NALF1: variants seen among roughly 807,000 people sequenced by gnomAD.
NALF1 encodes the protein family with sequence similarity 155 member A.
Under a neutral mutation model 48.4 loss-of-function variants are expected in NALF1, and 3 were observed. The ratio of observed to expected loss-of-function variants is 0.06; its 90% CI spans 0.03 to 0.16. NALF1 has a LOEUF of 0.16. NALF1 is among the 10% of genes least tolerant of loss of function. The pLI, the probability that NALF1 is intolerant of heterozygous loss-of-function variation, is 1.00. For missense variants in NALF1, 526 were observed against 571.5 expected, an observed-to-expected ratio of 0.92 and a Z score of 0.81; for synonymous variants, 262 against 245.7, an observed-to-expected ratio of 1.07 and a Z score of -0.62.
Position 107,752,000 on chromosome 13 carries a change from A to G in NALF1, c.915+113682T>C, listed in dbSNP as rs1033969292. Among the ~76,000 whole-genome samples, 11 of 152,192 alleles carry G rather than the reference A, an allele frequency of 7.2e-5. No individual in the cohort carries two copies. In the East Asian group the frequency reaches 2.1e-3, roughly 29 times the overall value. On this transcript the variant is annotated intron_variant, in intron 1 of 2. Coordinates refer to ENST00000375915, the MANE Select transcript of NALF1 (RefSeq NM_001080396.3). ...TTTAGTATTCTATCAAATTTCAAAC[A>G]TATTAATATTTATATTAATGTTTTA...
intron 1 of NALF1, among the ~76,000 whole-genome samples, chr13:107,782,018 ATCT>A (rs952939280): frequency 3.3e-5 from 5 of 152,050 alleles, no homozygotes; most frequent in Non-Finnish European, 7.4e-5. Flanking sequence ...TTATAAGAAA[ATCT>A]TCTCTCCCTC....
intron 1 of NALF1, among the ~76,000 whole-genome samples, chr13:107,820,152 T>A (rs76014049): frequency 6.6e-6 from 1 of 152,286 alleles, no homozygotes; most frequent in Non-Finnish European, 1.5e-5. Context: ...TCCTTGGCGG[T>A]TGACTGTTTA....
chr13:107,353,863 C>A (rs1882916962), intron 1 of NALF1, among the ~76,000 whole-genome samples: 1 of 152,128 alleles, frequency 6.6e-6, no homozygotes, highest in Non-Finnish European at 1.5e-5. Flanking sequence ...TTAGTAAATG[C>A]ATAGATATTT....
chr13:107,390,002 A>G (rs920102582), intron 1 of NALF1, among the ~76,000 whole-genome samples: 6 of 152,114 alleles, frequency 3.9e-5, no homozygotes, highest in African/African-American at 1.4e-4. Context: ...CTCTTTCTCA[A>G]TATAGCTATA....
chr13:107,182,226 C>CTGTGTGTGTG (rs148923366), intron 2 of NALF1, among the ~76,000 whole-genome samples: 1,606 of 145,186 alleles, frequency 0.011, 37 homozygotes, highest in African/African-American at 0.04. Context: ...TTTATTTATG[C>CTGTGTGTGTG]TGTGTGTGTG....
chr13:107,604,099 C>T (rs1305481277), intron 1 of NALF1, among the ~76,000 whole-genome samples: 2 of 152,082 alleles, frequency 1.3e-5, no homozygotes, highest in Non-Finnish European at 2.9e-5. Flanking sequence ...TCAAAAAAAG[C>T]ATTCGAGCAC....
chr13:107,613,968 C>G (rs1879308527), intron 1 of NALF1, among the ~76,000 whole-genome samples: 2 of 152,250 alleles, frequency 1.3e-5, no homozygotes, highest in African/African-American at 4.8e-5. Context: ...ATTGATATTT[C>G]TGTTTTAAAG....
intron 1 of NALF1, among the ~76,000 whole-genome samples, chr13:107,374,073 T>A (rs1461778999): frequency 6.6e-6 from 1 of 152,242 alleles, no homozygotes; most frequent in East Asian, 1.9e-4. Flanking sequence ...AATTTTCCAA[T>A]GATTCCTTCA....
chr13:107,641,979 T>C lies in NALF1; in HGVS notation c.915+223703A>G, dbSNP rs543154282. Among the ~76,000 whole-genome samples, 4 of 152,266 alleles carry C rather than the reference T, an allele frequency of 2.6e-5. No homozygotes were observed. In the South Asian group the frequency reaches 8.3e-4, roughly 32 times the overall value. ...GGCATCGGTAGCTTCTATATATAGC[T>C]TTCCAGGTGACTGCAATGTGCAGTG... On this transcript the variant is annotated intron_variant, in intron 1 of 2. Coordinates refer to ENST00000375915, the MANE Select transcript of NALF1 (RefSeq NM_001080396.3).
rs79145408 is a variant in NALF1, at chr13:107,754,397, A to C, written c.915+111285T>G. On this transcript the variant is annotated intron_variant, in intron 1 of 2. Coordinates refer to ENST00000375915, the MANE Select transcript of NALF1 (RefSeq NM_001080396.3). Reference sequence around the variant, plus strand: ...CACACACACACACACACACACACACACCATATATGGAACCGCTGAACAATC... The same window carrying C: ...CACACACACACACACACACACACACCCCATATATGGAACCGCTGAACAATC... Among the ~76,000 whole-genome samples the C allele has an allele frequency of 8.5e-4, 112 of 131,122 alleles. 1 individual carries two copies. The East Asian group carries it at 0.015, about 18-fold the overall frequency. 86.0% of individuals were successfully genotyped at this position (131,122 alleles called of 152,430 possible).
At chr13:107,744,874 G>T (rs1278691690) in intron 1 of NALF1, among the ~76,000 whole-genome samples, 4 of 152,120 alleles carry the variant, frequency 2.6e-5, no homozygotes, top group Admixed American at 6.5e-5. Context: ...AGGTTAAAAA[G>T]AATTAACCAA....
chr13:107,765,983 G>A (rs960299361), intron 1 of NALF1, among the ~76,000 whole-genome samples: 5 of 150,614 alleles, frequency 3.3e-5, no homozygotes, highest in African/African-American at 1.2e-4. Flanking sequence ...TAAAAAAATA[G>A]CTATGTTTTA....
At chr13:107,845,262 T>TA (rs1183933416) in intron 1 of NALF1, among the ~76,000 whole-genome samples, 1 of 152,238 alleles carries the variant, frequency 6.6e-6, no homozygotes, top group Non-Finnish European at 1.5e-5. Flanking sequence ...AACATCAGTG[T>TA]AATGCTATTA....
intron 1 of NALF1, among the ~76,000 whole-genome samples, chr13:107,478,346 TCA>T (rs1380403430): frequency 5.3e-5 from 8 of 152,160 alleles, no homozygotes; most frequent in Non-Finnish European, 7.4e-5. Flanking sequence ...TATCTTTTTC[TCA>T]GAGAATTCAA....
intron 1 of NALF1, among the ~76,000 whole-genome samples, chr13:107,212,090 T>A (rs1879774385): frequency 6.6e-6 from 1 of 152,238 alleles, no homozygotes; most frequent in Non-Finnish European, 1.5e-5. Flanking sequence ...AGTTTGCAGA[T>A]GAACCTAAAA....
intron 1 of NALF1, among the ~76,000 whole-genome samples, chr13:107,754,898 C>T (rs930530119): frequency 1.3e-5 from 2 of 152,176 alleles, no homozygotes; most frequent in Middle Eastern, 3.2e-3. Flanking sequence ...TACAGTTTTA[C>T]TCTTCAATGT....
chr13:107,486,824 T>C (rs767352295), intron 1 of NALF1, among the ~76,000 whole-genome samples: 11 of 152,190 alleles, frequency 7.2e-5, no homozygotes, highest in Non-Finnish European at 1.2e-4. Flanking sequence ...AGGGAGTTCA[T>C]TTTTTAACAT....
At chr13:107,225,197 C>T (rs1323308478) in intron 1 of NALF1, among the ~76,000 whole-genome samples, 4 of 152,136 alleles carry the variant, frequency 2.6e-5, no homozygotes, top group East Asian at 1.9e-4. Flanking sequence ...TAAGCAGAGA[C>T]GGGGTTTCAC....
intron 1 of NALF1, among the ~76,000 whole-genome samples, chr13:107,782,782 G>A (rs1011063866): frequency 2.7e-5 from 4 of 150,348 alleles, no homozygotes; most frequent in Non-Finnish European, 4.4e-5. Context: ...CTGCCCAGCC[G>A]CCCCATCTGA....
Sources: allele counts gnomAD v4.1 joint callset (sites outside exome capture counted in the v4.1 genomes callset), GRCh38; gene constraint gnomAD v4.1.1; transcripts MANE v1.5; gene names NCBI Gene and HGNC (gene_info 2026-07-23, HGNC 2026-07-21).